DPPA4: variants seen among roughly 807,000 people sequenced by gnomAD.
DPPA4 encodes developmental pluripotency-associated protein 4.
A neutral mutation model predicts 33.7 loss-of-function variants in DPPA4; 22 were observed. The observed-to-expected ratio is 0.65, with a 90% CI of 0.47 to 0.93. The LOEUF is 0.93. Ranked by LOEUF, DPPA4 falls within the 40% of genes least tolerant of loss-of-function variation. DPPA4 has a pLI of 0.00. For missense variants in DPPA4, 340 were observed against 358.6 expected, an observed-to-expected ratio of 0.95 and a Z score of 0.42; for synonymous variants, 156 against 132.3, an observed-to-expected ratio of 1.18 and a Z score of -1.23.
chr3:109,337,484 C>T lies in DPPA4; in HGVS notation c.34G>A (p.Glu12Lys). The change falls in exon 1 of 7, where the codon GAG becomes AAG. Residue 12 changes from glutamate (E) to lysine (K), a missense_variant. By Grantham distance (56) the Glu-to-Lys change is moderately conservative (BLOSUM62 1). Around this residue, in one of 3 missense-constraint regions of DPPA4, gnomAD observed 96 missense variants for 91.8 expected, o/e 1.05. Transcript: ENST00000335658. ...LRGSASSTSM[E>K]KAKGKEWTST... Reference sequence around the variant, plus strand: ...CTGACCTCCTTGCCTTTTGCCTTCTCCATACTTGTAGAAGAAGCGGAGCCT... The same window carrying T: ...CTGACCTCCTTGCCTTTTGCCTTCTTCATACTTGTAGAAGAAGCGGAGCCT... 4 of 1,614,074 alleles carry T rather than the reference C, an allele frequency of 2.5e-6. No homozygotes were observed. Among genetic ancestry groups the T allele is most frequent in the Non-Finnish European group, 3.4e-6 (4 of 1,179,970 alleles).
chr3:109,331,543 C>CAAAAAAAAAAAAAAAA (rs62827961), intron 4 of DPPA4, among the ~76,000 whole-genome samples, 191 bp downstream of exon 4: 1 of 71,470 alleles, frequency 1.4e-5, no homozygotes, highest in Non-Finnish European at 2.5e-5. Flanking sequence ...GACTCTGTCT[C>CAAAAAAAAAAAAAAAA]AAAAAAAAAA....
At chr3:109,331,201 CA>C (rs1708063044) in intron 4 of DPPA4, among the ~76,000 whole-genome samples, 1 of 121,620 alleles carries the variant, frequency 8.2e-6, no homozygotes, top group South Asian at 2.7e-4. Flanking sequence ...TCACTTGAAC[CA>C]GGGAGGCAGA....
chr3:109,335,335 C>G (rs6801969), intron 1 of DPPA4, among the ~76,000 whole-genome samples: 11,640 of 152,080 alleles, frequency 0.077, 1,152 homozygotes, highest in African/African-American at 0.23. Context: ...ATGTCTCCCC[C>G]CACTGATCTC....
chr3:109,333,943 T>C lies in DPPA4; in HGVS notation c.105A>G (p.Gln35=), dbSNP rs1708139165. 4 of 1,614,182 alleles carry C rather than the reference T, an allele frequency of 2.5e-6. No individual in the cohort carries two copies. The highest frequency in any genetic ancestry group is 4.5e-5 in the East Asian group (2 of 44,884). The part of the protein sequence containing the change: ...SREEDQQASN[Q]PNSIALPGTS... ...TTCCTGGCAAAGCAATTGAATTTGG[T>C]TGATTAGAAGCCTGCTGATCCTCTT... The change falls in exon 2 of 7, where the codon CAA becomes CAG. Residue 35 remains glutamine (Q), a synonymous_variant. Coordinates refer to ENST00000335658, the MANE Select transcript of DPPA4 (RefSeq NM_018189.4).
At position 109,327,902 on chromosome 3, in the gene DPPA4, AGTT is replaced by A; in HGVS notation, c.*83_*85del. 1 of 977,052 alleles carries A rather than the reference AGTT, an allele frequency of 1.0e-6. No individual in the cohort carries two copies. The highest frequency in any genetic ancestry group is 2.4e-5 in the East Asian group (1 of 42,006). The allele number at this position is 977,052 out of a possible 1,614,324, so 60.5% of individuals were successfully genotyped here. On this transcript the variant is annotated 3_prime_UTR_variant, in exon 7 of 7. Coordinates refer to ENST00000335658, the MANE Select transcript of DPPA4 (RefSeq NM_018189.4). The stretch of plus-strand genomic sequence containing the variant: ...CCCATAAACAGGTGCAGAGGACCAG[AGTT>A]CACCTGTCAGCAGCACCGCAGAATC...
chr3:109,337,193 C>A (rs535444998), intron 1 of DPPA4, among the ~76,000 whole-genome samples: 1 of 150,866 alleles, frequency 6.6e-6, no homozygotes, highest in African/African-American at 2.5e-5. Context: ...AGCCACCGCG[C>A]CCGGCCTCTT....
At chr3:109,334,032 T>C in intron 1 of DPPA4, 39 bp from the exon 2 acceptor site, 2 of 1,610,390 alleles carry the variant, frequency 1.2e-6, no homozygotes, top group South Asian at 2.2e-5. Context: ...TCCTCTAGTG[T>C]CCAAACCACA....
Position 109,329,021 on chromosome 3 carries a change from CT to C in DPPA4, c.746del (p.Gln249ArgfsTer17). The part of the protein sequence containing the change: ...PADTDGWVHL[Q>X]FHAGQAWVPE... ...GAACCCAGGCTTGACCAGCATGAAA[CT>C]GCAGGTGAACCCAACCATCTGTGTC... On this transcript the variant is annotated frameshift_variant, in exon 6 of 7. Transcript: ENST00000335658. LOFTEE classifies it high-confidence loss of function. The C allele has an allele frequency of 6.2e-7, 1 of 1,614,140 alleles. No individual in the cohort carries two copies. Among genetic ancestry groups the C allele is most frequent in the East Asian group, 2.2e-5 (1 of 44,868 alleles).
At chr3:109,338,772 T>C (rs940171913), upstream of DPPA4, among the ~76,000 whole-genome samples, 8 of 152,302 alleles carry the variant, frequency 5.3e-5, no homozygotes, top group East Asian at 1.5e-3. Flanking sequence ...AGGGCTTTGA[T>C]TTAACAATTC....
At chr3:109,331,308 T>TGAAAA (rs1369891810) in intron 4 of DPPA4, among the ~76,000 whole-genome samples, 7 of 74,696 alleles carry the variant, frequency 9.4e-5, no homozygotes, top group African/African-American at 2.6e-4. Context: ...AGAAAAGAAA[T>TGAAAA]GAAAAGAAAA....
chr3:109,330,482 T>A, intron 5 of DPPA4, 42 bp downstream of exon 5: 1 of 1,609,690 alleles, frequency 6.2e-7, no homozygotes, highest in Non-Finnish European at 8.5e-7. Context: ...ACTAAGCTTA[T>A]TTCCCCATTG....
Position 109,327,823 on chromosome 3 carries a change from C to A in DPPA4, c.*165G>T, listed in dbSNP as rs537611579. On this transcript the variant is annotated 3_prime_UTR_variant, in exon 7 of 7. Coordinates refer to ENST00000335658, the MANE Select transcript of DPPA4 (RefSeq NM_018189.4). ...GTCTCTATCTCCACTCACAAAGCAA[C>A]AGGCACTGCTAGGGGTCTTAGGCTA... is the stretch of plus-strand genomic sequence containing the variant. The A allele has an allele frequency of 1.4e-4, 77 of 539,650 alleles. No individual in the cohort carries two copies. The East Asian group carries it at 2.2e-3, about 16-fold the overall frequency. 33.4% of individuals were successfully genotyped at this position (539,650 alleles called of 1,614,324 possible). A position where few individuals can be genotyped will look rare whatever the true frequency, so the allele number is the denominator to read the frequency against.
At chr3:109,338,593 G>T (rs1348098062), upstream of DPPA4, among the ~76,000 whole-genome samples, 1 of 152,020 alleles carries the variant, frequency 6.6e-6, no homozygotes, top group East Asian at 1.9e-4. Flanking sequence ...ATAAGAGACT[G>T]TCTTTATCCA....
chr3:109,329,169 C>T, intron 5 of DPPA4, 81 bp from the exon 6 acceptor site: 2 of 1,183,754 alleles, frequency 1.7e-6, no homozygotes, highest in Non-Finnish European at 1.2e-6. Context: ...GGCCCATCAC[C>T]CTTGATTGAC....
intron 1 of DPPA4, among the ~76,000 whole-genome samples, chr3:109,336,842 C>G (rs1156791364): frequency 6.6e-6 from 1 of 152,106 alleles, no homozygotes; most frequent in Non-Finnish European, 1.5e-5. Context: ...CCACTGCACT[C>G]CAGCCAGGGA....
chr3:109,332,118 T>C, intron 2 of DPPA4, 87 bp from the exon 3 acceptor site: 1 of 1,305,106 alleles, frequency 7.7e-7, no homozygotes, highest in South Asian at 1.5e-5. Flanking sequence ...TTTTTTCTTT[T>C]TTGAGACAGA....
At chr3:109,335,405 C>G (rs1034604314) in intron 1 of DPPA4, among the ~76,000 whole-genome samples, 1 of 152,102 alleles carries the variant, frequency 6.6e-6, no homozygotes, top group Non-Finnish European at 1.5e-5. Flanking sequence ...GGATTAAAGG[C>G]GCGAGCCACT....
At chr3:109,331,427 C>T (rs1444179484) in intron 4 of DPPA4, among the ~76,000 whole-genome samples, 14 of 150,096 alleles carry the variant, frequency 9.3e-5, no homozygotes, top group Non-Finnish European at 1.6e-4. Context: ...GCCTGTAATC[C>T]GAGCTACTCT....
chr3:109,330,692 G>T lies in DPPA4; in HGVS notation c.511C>A (p.Pro171Thr). Residue 171 changes from proline (P) to threonine (T), a missense_variant, in exon 5 of 7, where the codon CCT becomes ACT. Pro to Thr is a conservative substitution (Grantham distance 38). Around this residue, in one of 3 missense-constraint regions of DPPA4, gnomAD observed 212 missense variants for 206.5 expected, o/e 1.03. Coordinates refer to ENST00000335658, the MANE Select transcript of DPPA4 (RefSeq NM_018189.4). ...SETHPPEVAL[P>T]PVGEPPALEN... is the part of the protein sequence containing the mutation. The stretch of plus-strand genomic sequence containing the variant: ...AGGGCAGGCGGCTCCCCCACAGGAG[G>T]AAGAGCCACTTCAGGAGGATGTGTC... 1 of 1,614,148 alleles carries T rather than the reference G, an allele frequency of 6.2e-7. No homozygotes were observed. Among genetic ancestry groups the T allele is most frequent in the Non-Finnish European group, 8.5e-7 (1 of 1,180,002 alleles).
Sources: gnomAD v4.1 joint callset for allele counts (sites outside exome capture counted in the v4.1 genomes callset) on GRCh38, gnomAD v4.1.1 for gene constraint, gnomAD v4.1.1 regional missense constraint, MANE v1.5 for transcripts, NCBI Gene and HGNC (gene_info 2026-07-23, HGNC 2026-07-21) for gene names.